Variants in COP1 observed in about 807,000 individuals in gnomAD.
The protein encoded by COP1 is COP1 E3 ubiquitin ligase, also known as E3 ubiquitin-protein ligase COP1.
Under a neutral mutation model 101.3 loss-of-function variants are expected in COP1, and 24 were observed. The ratio of observed to expected loss-of-function variants is 0.24; its 90% CI spans 0.17 to 0.33. The LOEUF (loss-of-function observed/expected upper bound fraction) is 0.33, where lower values mean the gene tolerates loss of function less well. Among genes scored for constraint, COP1 ranks in the 10% least tolerant of loss-of-function variants. The probability of loss-of-function intolerance (pLI) is 1.00; values close to 1 mark genes in which losing one functional copy is unlikely to be tolerated. For synonymous variants in COP1, 347 were observed against 341.9 expected (o/e 1.01, Z -0.17); for missense variants, 663 against 906.2 (o/e 0.73, Z 3.45).
intron 15 of COP1, among the ~76,000 whole-genome samples, chr1:175,995,158 C>T (rs556780550): frequency 5.3e-5 from 8 of 152,174 alleles, no homozygotes; most frequent in South Asian, 2.1e-4. Context: ...GGGTACATAA[C>T]GAAATGAAGG....
Position 176,162,985 on chromosome 1 carries a change from C to A in COP1, c.646G>T (p.Gly216Cys). Residue 216 changes from glycine (G) to cysteine (C), a missense_variant, in exon 5 of 20, where the codon GGC becomes TGC. This residue lies in a region of COP1 where 212 missense variants were observed against 240.7 expected (regional missense o/e 0.88). Coordinates refer to ENST00000367669, the MANE Select transcript of COP1 (RefSeq NM_022457.7). ...KLDHSVSSTN[G>C]HRWQIFQDWL... ...TCTTGAAATATCTGCCACCTGTGGC[C>A]ATTCTAAAAATGAAGAAAGAAGAAA... The A allele has an allele frequency of 6.3e-7, 1 of 1,593,368 alleles. No individual in the cohort carries two copies. The highest frequency in any genetic ancestry group is 1.2e-5 in the South Asian group (1 of 85,366).
intron 10 of COP1, among the ~76,000 whole-genome samples, chr1:176,084,607 T>C (rs1217793337): frequency 6.6e-6 from 1 of 152,150 alleles, no homozygotes; most frequent in Non-Finnish European, 1.5e-5. Flanking sequence ...AGGCAATAAA[T>C]GAAAGCTTTC....
At chr1:175,976,270 C>CTTCTT (rs1654537938) in intron 18 of COP1, among the ~76,000 whole-genome samples, 1 of 56,834 alleles carries the variant, frequency 1.8e-5, no homozygotes, top group African/African-American at 7.4e-5. Flanking sequence ...ATTAGTCATT[C>CTTCTT]TTTTTTTTTT....
intron 5 of COP1, among the ~76,000 whole-genome samples, chr1:176,152,263 TAA>T (rs1035498450): frequency 7.0e-6 from 1 of 143,716 alleles, no homozygotes; most frequent in Admixed American, 6.9e-5. Flanking sequence ...TTCTCTCTCC[TAA>T]AAAAAAAAAA....
At chr1:176,004,094 T>C (rs1264871147) in intron 15 of COP1, among the ~76,000 whole-genome samples, 4 of 149,878 alleles carry the variant, frequency 2.7e-5, no homozygotes, top group South Asian at 4.3e-4. Flanking sequence ...TTCCTAGGTA[T>C]TTTATTCTCT....
In COP1 at chr1:176,206,985, T is replaced by C; in HGVS notation, c.-7A>G. 7.3e-7 allele frequency: 1 copy of C among 1,368,714 alleles called. No homozygotes were observed. Among genetic ancestry groups the C allele is most frequent in the Non-Finnish European group, 9.4e-7 (1 of 1,064,802 alleles). 84.8% of individuals were successfully genotyped at this position (1,368,714 alleles called of 1,614,324 possible). A position where few individuals can be genotyped will look rare whatever the true frequency, so the allele number is the denominator to read the frequency against. ...CCTGGCGGCTACCAGACATCGTGAC[T>C]CCCTCCCCTCCAGCCGGGCGCTCGG... On this transcript the variant is annotated 5_prime_UTR_variant, in exon 1 of 20. Coordinates refer to ENST00000367669, the MANE Select transcript of COP1 (RefSeq NM_022457.7).
At chr1:176,036,507 C>CAAAAAAAAAAA (rs77138527) in intron 14 of COP1, among the ~76,000 whole-genome samples, 3 of 127,320 alleles carry the variant, frequency 2.4e-5, no homozygotes, top group African/African-American at 9.2e-5. Flanking sequence ...AACAAAAAAA[C>CAAAAAAAAAAA]AAAAAAAAAA....
chr1:176,028,485 A>G (rs1355127595), intron 14 of COP1, among the ~76,000 whole-genome samples: 4 of 150,662 alleles, frequency 2.7e-5, no homozygotes, highest in Non-Finnish European at 5.9e-5. Flanking sequence ...TAATCACTTG[A>G]GTCCAGGAGG....
At chr1:176,166,766 T>C (rs929503784) in intron 3 of COP1, among the ~76,000 whole-genome samples, 2 of 151,826 alleles carry the variant, frequency 1.3e-5, no homozygotes, top group Non-Finnish European at 2.9e-5. Context: ...CAAAACCCCG[T>C]CTCCACAAAA....
intron 3 of COP1, among the ~76,000 whole-genome samples, chr1:176,170,872 T>C (rs1334634971): frequency 6.6e-6 from 1 of 152,076 alleles, no homozygotes; most frequent in Non-Finnish European, 1.5e-5. Flanking sequence ...ACGCCTGTAA[T>C]CCCAGCACTT....
At chr1:176,106,466 C>G (rs983165230) in intron 9 of COP1, among the ~76,000 whole-genome samples, 5 of 152,208 alleles carry the variant, frequency 3.3e-5, no homozygotes, top group African/African-American at 1.2e-4. Flanking sequence ...ATAAGTTAGG[C>G]AGCTGGAGGC....
At chr1:176,133,202 G>A (rs555024085) in intron 8 of COP1, among the ~76,000 whole-genome samples, 3 of 150,028 alleles carry the variant, frequency 2.0e-5, no homozygotes, top group South Asian at 2.1e-4. Context: ...GTATATGTAC[G>A]TATGTACACA....
At chr1:176,064,100 T>C (rs904724988) in intron 11 of COP1, among the ~76,000 whole-genome samples, 1 of 152,284 alleles carries the variant, frequency 6.6e-6, no homozygotes, top group Non-Finnish European at 1.5e-5. Flanking sequence ...ACCTGACGGA[T>C]CTTTCAAAAC....
At chr1:176,088,782 G>T (rs9792842) in intron 9 of COP1, among the ~76,000 whole-genome samples, 8,965 of 151,140 alleles carry the variant, frequency 0.059, 596 homozygotes, top group African/African-American at 0.16. Flanking sequence ...GATCACCTGA[G>T]GTCGGCAGTT....
chr1:176,024,077 G>T (rs1343276091), intron 15 of COP1, among the ~76,000 whole-genome samples: 1 of 152,236 alleles, frequency 6.6e-6, no homozygotes, highest in Non-Finnish European at 1.5e-5. Context: ...GGCCAAGATG[G>T]TGAAACCCTG....
intron 9 of COP1, among the ~76,000 whole-genome samples, chr1:176,110,503 G>T (rs1029526756): frequency 6.6e-6 from 1 of 152,078 alleles, no homozygotes. Context: ...TCATATCCTG[G>T]TCATTCAAAA....
chr1:176,166,765 G>A (rs923465884), intron 3 of COP1, among the ~76,000 whole-genome samples: 4 of 151,920 alleles, frequency 2.6e-5, no homozygotes, highest in East Asian at 1.9e-4. Flanking sequence ...GCAAAACCCC[G>A]TCTCCACAAA....
At chr1:176,051,266 C>T (rs1672507303) in intron 11 of COP1, among the ~76,000 whole-genome samples, 1 of 152,112 alleles carries the variant, frequency 6.6e-6, no homozygotes, top group East Asian at 1.9e-4. Flanking sequence ...TGGATACTAA[C>T]ATAGCTGCTG....
chr1:176,033,191 C>G (rs1258200679), intron 14 of COP1, among the ~76,000 whole-genome samples: 2 of 151,974 alleles, frequency 1.3e-5, no homozygotes, highest in African/African-American at 4.8e-5. Flanking sequence ...GTGGGTGGAT[C>G]ACTTAAGATC....
Sources: gnomAD v4.1 joint callset for allele counts (sites outside exome capture counted in the v4.1 genomes callset) on GRCh38, gnomAD v4.1.1 for gene constraint, gnomAD v4.1.1 regional missense constraint, MANE v1.5 for transcripts, NCBI Gene and HGNC (gene_info 2026-07-23, HGNC 2026-07-21) for gene names.